The following MDGA2 variants were observed in gnomAD, a reference collection of about 807,000 sequenced individuals.
MDGA2 encodes MAM domain containing glycosylphosphatidylinositol anchor 2.
Under a neutral mutation model 117.8 loss-of-function variants are expected in MDGA2, and 40 were observed. The ratio of observed to expected loss-of-function variants is 0.34; its 90% CI spans 0.26 to 0.44. The LOEUF is 0.44. MDGA2 is among the 20% of genes least tolerant of loss of function. MDGA2 has a pLI of 1.00. For missense variants in MDGA2, 1,123 were observed against 1,250.6 expected (o/e 0.90, Z 1.54); for synonymous variants, 452 against 439.0 (o/e 1.03, Z -0.37).
intron 7 of MDGA2, among the ~76,000 whole-genome samples, chr14:47,041,697 A>C (rs1296237115): frequency 2.6e-5 from 4 of 152,084 alleles, no homozygotes; most frequent in African/African-American, 9.6e-5. Context: ...CACTGATCAC[A>C]GACTGTAAAA....
rs369471634 is a variant in MDGA2, at chr14:47,115,786, A to G, written c.925+15928T>C. Among the ~76,000 whole-genome samples, 186 of 152,166 alleles carry G rather than the reference A, an allele frequency of 1.2e-3. 1 individual carries two copies. Among genetic ancestry groups the G allele is most frequent in the African/African-American group, 4.2e-3 (176 of 41,574 alleles). ...ACTAGGAATGGTAGGAAATTACCTTATATTAATAAAAGCCTATATGTAACT... is the reference window on the plus strand; with the variant it reads ...ACTAGGAATGGTAGGAAATTACCTTGTATTAATAAAAGCCTATATGTAACT... On this transcript the variant is annotated intron_variant, in intron 5 of 16. Transcript: ENST00000399232.
chr14:47,519,909 G>C (rs1023829806), intron 1 of MDGA2, among the ~76,000 whole-genome samples: 1 of 152,150 alleles, frequency 6.6e-6, no homozygotes, highest in African/African-American at 2.4e-5. Context: ...CACTGAGCTA[G>C]AAGGTCATTA....
At chr14:47,639,400 T>C (rs1028424092) in intron 1 of MDGA2, among the ~76,000 whole-genome samples, 78 of 152,190 alleles carry the variant, frequency 5.1e-4, no homozygotes, top group African/African-American at 1.8e-3. Flanking sequence ...TTGGCTTTCC[T>C]CCACTTTCTT....
intron 8 of MDGA2, chr14:46,996,920 C>G: frequency 2.6e-6 from 1 of 378,508 alleles, no homozygotes; most frequent in South Asian, 2.5e-5. Flanking sequence ...GGGAGAGCAC[C>G]TAGCAGCAAC....
chr14:46,904,860 A>C (rs1206865909), intron 10 of MDGA2, among the ~76,000 whole-genome samples: 4 of 152,168 alleles, frequency 2.6e-5, no homozygotes, highest in Admixed American at 2.6e-4. Context: ...GGCTTTCAAC[A>C]TCCTTGTTTC....
At chr14:47,143,136 A>G (rs1882794853) in intron 4 of MDGA2, among the ~76,000 whole-genome samples, 1 of 152,114 alleles carries the variant, frequency 6.6e-6, no homozygotes, top group Non-Finnish European at 1.5e-5. Flanking sequence ...GGCACGTGCC[A>G]CCATGCCCAG....
chr14:47,030,748 A>G (rs1423983053), intron 8 of MDGA2, among the ~76,000 whole-genome samples: 2 of 152,286 alleles, frequency 1.3e-5, no homozygotes. Context: ...TGTTATTAAA[A>G]CATTACATTG....
Position 47,101,940 on chromosome 14 carries a change from G to A in MDGA2, c.926-4817C>T, listed in dbSNP as rs573875221. 4.7e-4 allele frequency among the ~76,000 whole-genome samples: 72 copies of A among 152,084 alleles called. 1 individual carries two copies. Among genetic ancestry groups the A allele is most frequent in the African/African-American group, 1.7e-3 (71 of 41,502 alleles). On this transcript the variant is annotated intron_variant, in intron 5 of 16. Transcript: ENST00000399232. ...ATTCAGTTCCTCATGATGTCTTCTT[G>A]GTGTGTGACACAAATATTTAATTTG...
At chr14:47,600,723 T>TAAAAAAAAAAAAA (rs377627666) in intron 1 of MDGA2, among the ~76,000 whole-genome samples, 2 of 140,056 alleles carry the variant, frequency 1.4e-5, no homozygotes, top group African/African-American at 5.5e-5. Context: ...ATCGGATCAT[T>TAAAAAAAAAAAAA]AAAAAAAAAA....
At chr14:47,133,910 A>G (rs879576616) in intron 4 of MDGA2, among the ~76,000 whole-genome samples, 2 of 151,992 alleles carry the variant, frequency 1.3e-5, no homozygotes, top group East Asian at 3.9e-4. Context: ...AAAACTCATG[A>G]TTGTACTTAG....
intron 1 of MDGA2, among the ~76,000 whole-genome samples, chr14:47,451,645 A>G (rs1367532940): frequency 6.6e-6 from 1 of 152,150 alleles, no homozygotes; most frequent in African/African-American, 2.4e-5. Context: ...TTTTAGTCAC[A>G]AGATTTCTCT....
At chr14:47,216,604 G>C (rs2139505030) in intron 3 of MDGA2, among the ~76,000 whole-genome samples, 1 of 152,142 alleles carries the variant, frequency 6.6e-6, no homozygotes, top group South Asian at 2.1e-4. Flanking sequence ...GAAGTTTTTA[G>C]ATTTTACAAT....
intron 1 of MDGA2, among the ~76,000 whole-genome samples, chr14:47,365,819 A>C (rs1178164081): frequency 2.0e-5 from 3 of 152,202 alleles, no homozygotes. Flanking sequence ...TTCTGTTTAC[A>C]AATATTTATA....
chr14:47,274,669 C>T (rs1049505624), intron 2 of MDGA2, among the ~76,000 whole-genome samples: 19 of 152,074 alleles, frequency 1.2e-4, no homozygotes, highest in African/African-American at 4.3e-4. Flanking sequence ...TTCAAGGTGG[C>T]TGCATCATTT....
intron 1 of MDGA2, among the ~76,000 whole-genome samples, chr14:47,660,048 T>C (rs1897816229): frequency 6.6e-6 from 1 of 152,198 alleles, no homozygotes; most frequent in Non-Finnish European, 1.5e-5. Context: ...CATGCTTTTT[T>C]TTTTTAAAGA....
At chr14:47,293,274 A>G (rs763652482) in intron 2 of MDGA2, among the ~76,000 whole-genome samples, 8 of 152,202 alleles carry the variant, frequency 5.3e-5, no homozygotes, top group Non-Finnish European at 1.0e-4. Context: ...CTCTCTTACT[A>G]TAAGTCCTCA....
chr14:47,136,947 T>G (rs1187470144), intron 4 of MDGA2, among the ~76,000 whole-genome samples: 1 of 152,166 alleles, frequency 6.6e-6, no homozygotes, highest in Non-Finnish European at 1.5e-5. Flanking sequence ...GAAAAGAGAA[T>G]GTAAAAGAAA....
At chr14:47,258,216 C>G (rs76521934) in intron 2 of MDGA2, among the ~76,000 whole-genome samples, 4,740 of 152,098 alleles carry the variant, frequency 0.031, 170 homozygotes, top group East Asian at 0.18. Context: ...ATTAGACTGT[C>G]CTCATATTGC....
At chr14:47,359,748 C>CAAAAAAAAAAAA (rs71448198) in intron 1 of MDGA2, among the ~76,000 whole-genome samples, 2 of 110,780 alleles carry the variant, frequency 1.8e-5, no homozygotes, top group African/African-American at 3.5e-5. Flanking sequence ...AAGACTGTCT[C>CAAAAAAAAAAAA]AAAAAAAAAA....
Sources: gnomAD v4.1 joint callset for allele counts (sites outside exome capture counted in the v4.1 genomes callset) on GRCh38, gnomAD v4.1.1 for gene constraint, MANE v1.5 for transcripts, NCBI Gene and HGNC (gene_info 2026-07-23, HGNC 2026-07-21) for gene names.